OR2L13: variants seen among roughly 807,000 people sequenced by gnomAD.
The protein encoded by OR2L13 is olfactory receptor family 2 subfamily L member 13.
OR2L13 carries 14 observed loss-of-function variants against 15.3 expected under a neutral mutation model. The ratio of observed to expected loss-of-function variants is 0.91; its 90% CI spans 0.60 to 1.43. The LOEUF (loss-of-function observed/expected upper bound fraction) is 1.43, where lower values mean the gene tolerates loss of function less well. Ranked by LOEUF, OR2L13 falls within the 40% of genes most tolerant of loss-of-function variation. OR2L13 has a pLI of 0.00. For missense variants in OR2L13, 367 were observed against 387.9 expected (o/e 0.95, Z 0.45); for synonymous variants, 152 against 142.9 (o/e 1.06, Z -0.45).
the OR2L13 span, among the ~76,000 whole-genome samples, chr1:248,016,927 G>T: frequency 6.6e-6 from 1 of 152,176 alleles, no homozygotes; most frequent in Non-Finnish European, 1.5e-5. Flanking sequence ...TTGTTATTAG[G>T]ATTAAATCTA....
chr1:247,980,058 TG>T, the OR2L13 span, among the ~76,000 whole-genome samples: 5 of 152,112 alleles, frequency 3.3e-5, no homozygotes, highest in Non-Finnish European at 7.4e-5. Context: ...ATATATAAAA[TG>T]GACTAATGTT....
the OR2L13 span, chr1:247,975,123 C>T: frequency 2.6e-6 from 1 of 377,892 alleles, no homozygotes. Flanking sequence ...GTTTGCTTTC[C>T]TCTCCACTAT....
At chr1:248,068,025 A>T in the OR2L13 span, among the ~76,000 whole-genome samples, 3 of 152,358 alleles carry the variant, frequency 2.0e-5, no homozygotes, top group South Asian at 4.1e-4. Flanking sequence ...ACCACAGCTC[A>T]AGGAGGCCTG....
the OR2L13 span, among the ~76,000 whole-genome samples, chr1:248,073,485 G>A: frequency 2.0e-5 from 3 of 151,972 alleles, no homozygotes; most frequent in Admixed American, 6.6e-5. Context: ...GTGGGGTGGG[G>A]GGAGCGGGGA....
chr1:248,037,429 T>C, the OR2L13 span, among the ~76,000 whole-genome samples: 5 of 152,210 alleles, frequency 3.3e-5, no homozygotes, highest in African/African-American at 1.2e-4. Flanking sequence ...CCCATGCGTA[T>C]GTTTTAAGCA....
At chr1:248,036,479 G>A in the OR2L13 span, among the ~76,000 whole-genome samples, 3 of 152,148 alleles carry the variant, frequency 2.0e-5, no homozygotes, top group Admixed American at 1.3e-4. Context: ...GTTTGTGATA[G>A]TTTTAACTCA....
the OR2L13 span, among the ~76,000 whole-genome samples, chr1:247,999,235 C>T: frequency 2.0e-5 from 3 of 152,132 alleles, no homozygotes; most frequent in Non-Finnish European, 4.4e-5. Flanking sequence ...GAGCCTCTGT[C>T]CCTTGAACTT....
the OR2L13 span, among the ~76,000 whole-genome samples, chr1:248,052,494 C>T: frequency 5.3e-5 from 8 of 151,978 alleles, no homozygotes; most frequent in Admixed American, 1.3e-4. Flanking sequence ...TTTGGGAGGC[C>T]GAGCCGGGCA....
chr1:247,941,234 A>G, the OR2L13 span, among the ~76,000 whole-genome samples: 1 of 152,170 alleles, frequency 6.6e-6, no homozygotes, highest in Non-Finnish European at 1.5e-5. Flanking sequence ...TTTGCTGCAC[A>G]GAAGTTCTTT....
the OR2L13 span, among the ~76,000 whole-genome samples, chr1:247,978,335 A>AC: frequency 0.039 from 5,895 of 152,204 alleles, 353 homozygotes; most frequent in African/African-American, 0.13. Context: ...GGGTAATTGA[A>AC]CCCGTGGGCG....
chr1:248,100,538 T>C (rs1480961381), exon 3 of OR2L13: 1 of 246,838 alleles, frequency 4.1e-6, no homozygotes, highest in African/African-American at 2.3e-5. Context: ...TTTCAATAAA[T>C]TATATGCAAT....
the OR2L13 span, among the ~76,000 whole-genome samples, chr1:248,006,415 T>C: frequency 6.6e-6 from 1 of 151,960 alleles, no homozygotes; most frequent in Admixed American, 6.6e-5. Flanking sequence ...GTCACAAGCA[T>C]GCTTAAAGAT....
the OR2L13 span, among the ~76,000 whole-genome samples, chr1:248,068,845 G>A: frequency 3.7e-4 from 56 of 152,268 alleles, no homozygotes; most frequent in African/African-American, 1.2e-3. Context: ...CTCAGGAGCC[G>A]ATGCAATCAA....
At chr1:247,968,664 G>A in the OR2L13 span, among the ~76,000 whole-genome samples, 3 of 152,104 alleles carry the variant, frequency 2.0e-5, no homozygotes, top group Non-Finnish European at 2.9e-5. Flanking sequence ...TCCCTGCAAA[G>A]GACATGAACG....
chr1:247,965,127 T>C, the OR2L13 span: 4 of 392,674 alleles, frequency 1.0e-5, no homozygotes, highest in Admixed American at 4.5e-5. Flanking sequence ...TTTGCATATA[T>C]AATCTGTCTA....
chr1:248,029,242 AATAAAT>A, the OR2L13 span: 5 of 152,166 alleles, frequency 3.3e-5, no homozygotes, highest in South Asian at 2.1e-4. Context: ...TATATATCAC[AATAAAT>A]ATAAATAAAA....
At chr1:247,995,148 A>C in the OR2L13 span, among the ~76,000 whole-genome samples, 2 of 152,190 alleles carry the variant, frequency 1.3e-5, no homozygotes, top group African/African-American at 4.8e-5. Context: ...TATTCTCATA[A>C]AGTTCTTTCA....
At chr1:248,002,787 G>A in the OR2L13 span, among the ~76,000 whole-genome samples, 1 of 151,748 alleles carries the variant, frequency 6.6e-6, no homozygotes, top group Admixed American at 6.6e-5. Context: ...GAACCCGGGA[G>A]GCAGAGCTTG....
the OR2L13 span, among the ~76,000 whole-genome samples, chr1:248,052,872 TATC>T: frequency 7.9e-4 from 121 of 152,302 alleles, no homozygotes; most frequent in African/African-American, 2.8e-3. Flanking sequence ...AAAAAAAATT[TATC>T]ATTTTAATTT....
Sources: allele counts gnomAD v4.1 joint callset (sites outside exome capture counted in the v4.1 genomes callset), GRCh38; gene constraint gnomAD v4.1.1; transcripts MANE v1.5; gene names NCBI Gene and HGNC (gene_info 2026-07-23, HGNC 2026-07-21).